The following GRID2 variants were observed in gnomAD, a reference collection of about 807,000 sequenced individuals.
The protein encoded by GRID2 is glutamate receptor ionotropic, delta-2.
Under a neutral mutation model 114.8 loss-of-function variants are expected in GRID2, and 33 were observed. The ratio of observed to expected loss-of-function variants is 0.29; its 90% CI spans 0.22 to 0.38. GRID2 has a LOEUF of 0.38. Among genes scored for constraint, GRID2 ranks in the 10% least tolerant of loss-of-function variants. GRID2 has a pLI of 1.00. For synonymous variants in GRID2, 505 were observed against 449.9 expected (o/e 1.12, Z -1.55); for missense variants, 1,184 against 1,257.7 (o/e 0.94, Z 0.89).
intron 1 of GRID2, among the ~76,000 whole-genome samples, chr4:92,405,150 C>T (rs1208912874): frequency 4.6e-5 from 7 of 152,252 alleles, no homozygotes; most frequent in Admixed American, 2.6e-4. Flanking sequence ...TGAAGAATGG[C>T]GTTCAAACTC....
rs1291090464 is a variant in GRID2, at chr4:92,716,557, G to A, written c.244+126271G>A. ...CCCTAATCTCTTGTTATTCAATGAA[G>A]AATGATCATTTTGATGGTCTTTTAT... On this transcript the variant is annotated intron_variant, in intron 2 of 15. Coordinates refer to ENST00000282020, the MANE Select transcript of GRID2 (RefSeq NM_001510.4). Among the ~76,000 whole-genome samples, 4 of 152,164 alleles carry A rather than the reference G, an allele frequency of 2.6e-5. No individual in the cohort carries two copies. In the East Asian group the frequency reaches 7.7e-4, roughly 29 times the overall value.
intron 13 of GRID2, among the ~76,000 whole-genome samples, chr4:93,586,091 G>T (rs1737514602): frequency 6.6e-6 from 1 of 151,972 alleles, no homozygotes; most frequent in Non-Finnish European, 1.5e-5. Context: ...CTATATCCAA[G>T]CACATTTTAT....
At chr4:92,776,445 C>T (rs1461088127) in intron 2 of GRID2, among the ~76,000 whole-genome samples, 2 of 152,042 alleles carry the variant, frequency 1.3e-5, no homozygotes, top group Non-Finnish European at 2.9e-5. Context: ...TCCACACATA[C>T]AGCTACCCAC....
At chr4:93,482,914 T>A (rs542865736) in intron 11 of GRID2, among the ~76,000 whole-genome samples, 1 of 151,934 alleles carries the variant, frequency 6.6e-6, no homozygotes, top group Non-Finnish European at 1.5e-5. Flanking sequence ...GAAACCGCAC[T>A]TGTATCTCTT....
At position 92,936,671 on chromosome 4, in the gene GRID2, C is replaced by T. The variant is rs186008346; in HGVS notation, c.245-148324C>T. ...TGTTCAATCAAGGTCACAATTCTGT[C>T]TTAATTTCATAGTATTGCTGTAACT... On this transcript the variant is annotated intron_variant, in intron 2 of 15. Transcript: ENST00000282020. Among the ~76,000 whole-genome samples, 4 of 146,116 alleles carry T rather than the reference C, an allele frequency of 2.7e-5. 1 individual carries two copies. In the East Asian group the frequency reaches 8.7e-4, roughly 32 times the overall value.
At chr4:93,622,141 T>C (rs1290334852) in intron 13 of GRID2, among the ~76,000 whole-genome samples, 1 of 152,134 alleles carries the variant, frequency 6.6e-6, no homozygotes, top group Non-Finnish European at 1.5e-5. Flanking sequence ...CCAATCACTG[T>C]AAATTTAGAC....
At chr4:92,746,973 A>G (rs913234805) in intron 2 of GRID2, among the ~76,000 whole-genome samples, 1 of 152,110 alleles carries the variant, frequency 6.6e-6, no homozygotes, top group African/African-American at 2.4e-5. Context: ...AATGTTGGAA[A>G]GTGTACTGCC....
chr4:93,371,560 A>G (rs1762913570), intron 8 of GRID2, among the ~76,000 whole-genome samples: 2 of 152,084 alleles, frequency 1.3e-5, no homozygotes, highest in African/African-American at 4.8e-5. Context: ...CTTTGAACCA[A>G]TTACTCTGGT....
intron 2 of GRID2, among the ~76,000 whole-genome samples, chr4:92,811,966 C>T (rs1740683068): frequency 6.6e-6 from 1 of 152,058 alleles, no homozygotes; most frequent in South Asian, 2.1e-4. Context: ...GGATCATCTA[C>T]CAAATTTTTA....
chr4:92,535,968 C>A (rs1725601861), intron 1 of GRID2, among the ~76,000 whole-genome samples: 1 of 152,224 alleles, frequency 6.6e-6, no homozygotes, highest in South Asian at 2.1e-4. Flanking sequence ...AGAGATGGTG[C>A]AGACCTTCGT....
chr4:93,316,589 AG>A (rs1756687964), intron 8 of GRID2, among the ~76,000 whole-genome samples: 1 of 152,184 alleles, frequency 6.6e-6, no homozygotes, highest in Non-Finnish European at 1.5e-5. Context: ...GCATGTGCTT[AG>A]AGCTCTGATG....
chr4:93,137,563 G>A (rs1735376444), intron 4 of GRID2, among the ~76,000 whole-genome samples: 1 of 152,124 alleles, frequency 6.6e-6, no homozygotes, highest in Non-Finnish European at 1.5e-5. Flanking sequence ...AGGATTTCAA[G>A]ATAGAAATAA....
chr4:93,731,194 C>A (rs557361015), intron 14 of GRID2, among the ~76,000 whole-genome samples: 7 of 152,040 alleles, frequency 4.6e-5, no homozygotes, highest in African/African-American at 1.7e-4. Context: ...AAATGAGAAC[C>A]CACAGGAGCA....
intron 2 of GRID2, among the ~76,000 whole-genome samples, chr4:92,888,755 AAT>A (rs1746543737): frequency 6.6e-6 from 1 of 151,808 alleles, no homozygotes; most frequent in Non-Finnish European, 1.5e-5. Context: ...ACATTTTTAT[AAT>A]ATGTTTCTCT....
intron 2 of GRID2, among the ~76,000 whole-genome samples, chr4:92,997,906 G>A (rs1287516100): frequency 6.6e-6 from 1 of 151,856 alleles, no homozygotes; most frequent in African/African-American, 2.4e-5. Flanking sequence ...ATAATGAAAT[G>A]TATTTATTAC....
At chr4:92,559,100 TAAAAGTA>T (rs1465356773) in intron 1 of GRID2, among the ~76,000 whole-genome samples, 1 of 152,196 alleles carries the variant, frequency 6.6e-6, no homozygotes, top group African/African-American at 2.4e-5. Context: ...GCCTATAACT[TAAAAGTA>T]AATTATTCCT....
chr4:93,688,980 G>A (rs932419936), intron 14 of GRID2, among the ~76,000 whole-genome samples: 4 of 151,946 alleles, frequency 2.6e-5, no homozygotes, highest in African/African-American at 4.8e-5. Flanking sequence ...ATTTAAAGAC[G>A]GGGTTTTTAA....
At chr4:92,847,331 T>TCCCGA (rs1264693383) in intron 2 of GRID2, among the ~76,000 whole-genome samples, 1 of 152,050 alleles carries the variant, frequency 6.6e-6, no homozygotes, top group Non-Finnish European at 1.5e-5. Context: ...CATGGCTCAG[T>TCCCGA]CTTTCACAAA....
At chr4:93,327,446 C>T (rs1196568131) in intron 8 of GRID2, among the ~76,000 whole-genome samples, 1 of 147,294 alleles carries the variant, frequency 6.8e-6, no homozygotes, top group African/African-American at 2.6e-5. Context: ...GTATCCAATC[C>T]AGGAACAAAT....
Sources: gnomAD v4.1 joint callset for allele counts (sites outside exome capture counted in the v4.1 genomes callset) on GRCh38, gnomAD v4.1.1 for gene constraint, MANE v1.5 for transcripts, NCBI Gene and HGNC (gene_info 2026-07-23, HGNC 2026-07-21) for gene names.